Variants in MCTP2 observed in about 807,000 individuals in gnomAD.
MCTP2 encodes multiple C2 and transmembrane domain containing 2.
MCTP2 carries 132 observed loss-of-function variants against 111.6 expected under a neutral mutation model. The ratio of observed to expected loss-of-function variants is 1.18; its 90% CI spans 1.03 to 1.37. The LOEUF is 1.37. MCTP2 is among the 40% of genes most tolerant of loss of function. MCTP2 has a pLI of 0.00. For synonymous variants in MCTP2, 395 were observed against 387.7 expected (o/e 1.02, Z -0.22); for missense variants, 1,183 against 1,067.9 (o/e 1.11, Z -1.50).
chr15:94,407,040 T>G (rs2081937222), intron 17 of MCTP2, among the ~76,000 whole-genome samples: 1 of 152,096 alleles, frequency 6.6e-6, no homozygotes, highest in African/African-American at 2.4e-5. Flanking sequence ...ATACATTATT[T>G]GATCATAATA....
intron 1 of MCTP2, among the ~76,000 whole-genome samples, chr15:94,242,986 CGTGTATAT>C (rs1409255130): frequency 1.2e-5 from 1 of 81,884 alleles, no homozygotes; most frequent in East Asian, 3.0e-4. Context: ...TACACATACA[CGTGTATAT>C]GTGTATCTAC....
intron 3 of MCTP2, 134 bp downstream of exon 3, chr15:94,314,478 C>T (rs2076292421): frequency 6.0e-6 from 4 of 664,638 alleles, no homozygotes; most frequent in Admixed American, 6.1e-5. Context: ...ACTTACAAAA[C>T]CAGGCCTTGC....
chr15:94,325,911 T>C (rs2076850059), intron 4 of MCTP2, among the ~76,000 whole-genome samples: 1 of 147,372 alleles, frequency 6.8e-6, no homozygotes, highest in Non-Finnish European at 1.5e-5. Flanking sequence ...CCTCTGCCTC[T>C]CTGGTTCAAG....
intron 10 of MCTP2, among the ~76,000 whole-genome samples, chr15:94,360,096 G>T (rs1001018202): frequency 6.6e-6 from 1 of 151,898 alleles, no homozygotes; most frequent in Non-Finnish European, 1.5e-5. Flanking sequence ...TTCATCACAC[G>T]TGTCCAAACA....
chr15:94,450,726 T>G (rs2084393427), intron 19 of MCTP2, among the ~76,000 whole-genome samples: 3 of 152,352 alleles, frequency 2.0e-5, no homozygotes, highest in South Asian at 4.1e-4. Context: ...CATTAATCTC[T>G]TCTGAGAATT....
chr15:94,356,316 T>G lies in MCTP2; in HGVS notation c.1170+15T>G. 1 of 1,559,046 alleles carries G rather than the reference T, an allele frequency of 6.4e-7. No homozygotes were observed. The highest frequency in any genetic ancestry group is 1.3e-5 in the South Asian group (1 of 79,594). The stretch of plus-strand genomic sequence containing the variant: ...ATAAAAGTAAGGTAAGTTCCATCTT[T>G]TCCATAAGGAGAACAGTATCTTTAA... On this transcript the variant is annotated intron_variant, in intron 9 of 22. Coordinates refer to ENST00000357742, the MANE Select transcript of MCTP2 (RefSeq NM_001385001.1).
intron 17 of MCTP2, among the ~76,000 whole-genome samples, chr15:94,435,692 C>G (rs1252332431): frequency 8.0e-6 from 1 of 124,482 alleles, no homozygotes; most frequent in Admixed American, 8.8e-5. Context: ...AGTGCAGTGG[C>G]GCGATCTCGG....
In MCTP2 at chr15:94,387,163, C is replaced by T. The variant is rs573182753; in HGVS notation, c.1788+1638C>T. On this transcript the variant is annotated intron_variant, in intron 14 of 22. Coordinates refer to ENST00000357742, the MANE Select transcript of MCTP2 (RefSeq NM_001385001.1). ...TTCCCCCCTTCCTCCTTTCCTTCCTCCCTCTCTCCTTCCTTCCCTAGAAGA... is the reference window on the plus strand; with the variant it reads ...TTCCCCCCTTCCTCCTTTCCTTCCTTCCTCTCTCCTTCCTTCCCTAGAAGA... Among the ~76,000 whole-genome samples the T allele has an allele frequency of 2.6e-5, 4 of 151,930 alleles. No individual in the cohort carries two copies. The East Asian group carries it at 5.8e-4, about 22-fold the overall frequency.
chr15:94,427,402 G>C (rs910128954), intron 17 of MCTP2, among the ~76,000 whole-genome samples: 1 of 152,126 alleles, frequency 6.6e-6, no homozygotes, highest in African/African-American at 2.4e-5. Context: ...TTAACAGGAA[G>C]CATGACTGGG....
intron 12 of MCTP2, among the ~76,000 whole-genome samples, chr15:94,381,809 A>T (rs2152453222): frequency 6.6e-6 from 1 of 152,310 alleles, no homozygotes; most frequent in South Asian, 2.1e-4. Context: ...CTATGTTGGT[A>T]GGCTTTTCCC....
At chr15:94,255,168 C>A (rs954129524) in intron 1 of MCTP2, among the ~76,000 whole-genome samples, 8 of 152,122 alleles carry the variant, frequency 5.3e-5, no homozygotes, top group Non-Finnish European at 8.8e-5. Context: ...TATAACTATA[C>A]CCCAATTAGT....
At chr15:94,466,259 CATGTGTCTTTTTGTGGTTTGCATTTTT>C (rs577708983) in intron 20 of MCTP2, among the ~76,000 whole-genome samples, 68 of 152,052 alleles carry the variant, frequency 4.5e-4, no homozygotes, top group African/African-American at 1.6e-3. Flanking sequence ...CTCATGGTGT[CATGTGTCTTTTTGTGGTTTGCATTTTT>C]AAGAATACAC....
rs1276537493 is a variant in MCTP2, at chr15:94,385,554, G to A, written c.1788+29G>A. On this transcript the variant is annotated intron_variant, in intron 14 of 22. Transcript: ENST00000357742. ...AGTTTCCTTTATTAATAAACAATTT[G>A]TGAGTCATTTTATAGTTGATGAGTT... The A allele has an allele frequency of 5.4e-6, 8 of 1,472,348 alleles. No individual in the cohort carries two copies. In the African/African-American group the frequency reaches 8.3e-5, roughly 15 times the overall value. 91.2% of individuals were successfully genotyped at this position (1,472,348 alleles called of 1,614,324 possible).
chr15:94,252,865 C>G (rs1043699552), intron 1 of MCTP2, among the ~76,000 whole-genome samples: 2 of 152,082 alleles, frequency 1.3e-5, no homozygotes, highest in Non-Finnish European at 2.9e-5. Flanking sequence ...TTTACAATTT[C>G]TACTTATTTA....
intron 1 of MCTP2, among the ~76,000 whole-genome samples, chr15:94,288,274 A>G (rs1288154153): frequency 6.6e-6 from 1 of 152,168 alleles, no homozygotes; most frequent in African/African-American, 2.4e-5. Context: ...ATCACAGGAG[A>G]CAGCTGAGAA....
At chr15:94,432,008 T>A (rs1006137478) in intron 17 of MCTP2, among the ~76,000 whole-genome samples, 1 of 152,172 alleles carries the variant, frequency 6.6e-6, no homozygotes, top group African/African-American at 2.4e-5. Flanking sequence ...AGAATCTTCT[T>A]TAGTACTTTT....
In MCTP2 at chr15:94,399,060, C is replaced by A. The variant is rs1355355227; in HGVS notation, c.1888C>A (p.Pro630Thr). The change falls in exon 15 of 23, where the codon CCG (proline) becomes ACG (threonine). Residue 630 changes from proline (P) to threonine (T), a missense_variant and splice_region_variant. Coordinates refer to ENST00000357742, the MANE Select transcript of MCTP2 (RefSeq NM_001385001.1). ...CTTAGAGATGGACCTTATATATAAT[C>A]CGGTAAGTCTAGCTGGGTCATACTT... Reference protein sequence around the residue: ...IYLEMDLIYNPVKASIRTFTP... With the variant: ...IYLEMDLIYNTVKASIRTFTP... 1 of 1,460,960 alleles carries A rather than the reference C, an allele frequency of 6.8e-7. No individual in the cohort carries two copies. The highest frequency in any genetic ancestry group is 2.3e-5 in the East Asian group (1 of 44,078). The allele number at this position is 1,460,960 out of a possible 1,614,324, so 90.5% of individuals were successfully genotyped here.
intron 20 of MCTP2, among the ~76,000 whole-genome samples, chr15:94,460,575 G>C (rs2085128608): frequency 6.6e-6 from 1 of 152,218 alleles, no homozygotes; most frequent in Non-Finnish European, 1.5e-5. Context: ...TGGTAAAACT[G>C]TTTCCATTCT....
intron 17 of MCTP2, among the ~76,000 whole-genome samples, chr15:94,408,444 T>TC (rs2152482968): frequency 6.6e-6 from 1 of 152,346 alleles, no homozygotes; most frequent in East Asian, 1.9e-4. Flanking sequence ...TAAGATAGTT[T>TC]CCCTAGTCTT....
Sources: gnomAD v4.1 joint callset for allele counts (sites outside exome capture counted in the v4.1 genomes callset) on GRCh38, gnomAD v4.1.1 for gene constraint, MANE v1.5 for transcripts, NCBI Gene and HGNC (gene_info 2026-07-23, HGNC 2026-07-21) for gene names.